ZDHHC1: variants seen among roughly 807,000 people sequenced by gnomAD.
The protein encoded by ZDHHC1 is zDHHC palmitoyltransferase 1.
In ZDHHC1, 45 loss-of-function variants were observed where a neutral mutation model predicts 46.9. That is an observed-to-expected ratio of 0.96 (90% confidence interval 0.76 to 1.23). The LOEUF (loss-of-function observed/expected upper bound fraction) is 1.23, where lower values mean the gene tolerates loss of function less well. Among genes scored for constraint, ZDHHC1 ranks in the 50% most tolerant of loss-of-function variants. The pLI is 0.00. For synonymous variants in ZDHHC1, 291 were observed against 286.0 expected (o/e 1.02, Z -0.18); for missense variants, 649 against 670.8 (o/e 0.97, Z 0.36).
intron 8 of ZDHHC1, chr16:67,396,374 G>A (rs2040432027): frequency 6.6e-6 from 1 of 152,318 alleles, no homozygotes; most frequent in South Asian, 2.1e-4. Flanking sequence ...CGGGTCCCGG[G>A]CGGGGTGGGA....
intron 5 of ZDHHC1, 133 bp downstream of exon 5, chr16:67,399,221 AC>A: frequency 1.2e-6 from 1 of 858,776 alleles, no homozygotes; most frequent in Non-Finnish European, 1.8e-6. Flanking sequence ...TCTGGGCAGC[AC>A]CCCCGCATAA....
rs1344556208 is a variant in ZDHHC1, at chr16:67,398,924, G to A, written c.551C>T (p.Ala184Val). Residue 184 changes from alanine to valine, a missense_variant, in exon 6 of 12, where the codon GCA becomes GTA. Ala to Val is a moderately conservative substitution (Grantham distance 64). Coordinates refer to ENST00000565726, the MANE Select transcript of ZDHHC1 (RefSeq NM_001323627.2). ...RNYRLFLHSVASALLGVLLLV... is the reference protein window; with the variant it reads ...RNYRLFLHSVVSALLGVLLLV... The stretch of plus-strand genomic sequence containing the variant: ...GAGCAGGACGCCCAGTAAAGCGGAT[G>A]CAACACTGTGTAGAAAGAGCCTGGG... 3.7e-6 allele frequency: 6 copies of A among 1,613,226 alleles called. No individual in the cohort carries two copies. The Admixed American group carries it at 8.4e-5, about 22-fold the overall frequency.
rs2040550997 is a variant in ZDHHC1, at chr16:67,401,388, T to C, written c.253-256A>G. ...GCCAGCAGTGCCTGCTGTCGCCACC[T>C]AGGTGCCCAATCGCAGGGTCCTGGC... On this transcript the variant is annotated intron_variant, in intron 3 of 11. Transcript: ENST00000565726. The surrounding 1 kb of genome is among the most constrained non-coding windows in gnomAD (Gnocchi z 4.6). 6.6e-6 allele frequency among the ~76,000 whole-genome samples: 1 copy of C among 152,240 alleles called. No homozygotes were observed. The highest frequency in any genetic ancestry group is 2.4e-5 in the African/African-American group (1 of 41,454).
rs1226975871 is a variant in ZDHHC1, at chr16:67,394,767, A to C, written c.1292T>G (p.Val431Gly). The C allele has an allele frequency of 6.5e-7, 1 of 1,528,038 alleles. No individual in the cohort carries two copies. The highest frequency in any genetic ancestry group is 8.7e-7 in the Non-Finnish European group (1 of 1,143,616). The allele number at this position is 1,528,038 out of a possible 1,614,324, so 94.7% of individuals were successfully genotyped here. The change falls in exon 12 of 12, where the codon GTG (valine) becomes GGG (glycine). Residue 431 changes from valine to glycine, a missense_variant. Transcript: ENST00000565726. Reference sequence around the variant, plus strand: ...GGCGCTGCCCAGGCGCGTCTGCGCCACTGGAATCTCGTCCACGGACTCTGC... The same window carrying C: ...GGCGCTGCCCAGGCGCGTCTGCGCCCCTGGAATCTCGTCCACGGACTCTGC... ...ASAESVDEIP[V>G]AQTRLGSAAL...
chr16:67,400,270 C>G (rs1040679312), intron 4 of ZDHHC1, among the ~76,000 whole-genome samples: 4 of 152,220 alleles, frequency 2.6e-5, no homozygotes, highest in African/African-American at 9.6e-5. Flanking sequence ...GGGCCATATC[C>G]CCATCCCTGA....
At chr16:67,405,617 G>T (rs573971707) in intron 3 of ZDHHC1, among the ~76,000 whole-genome samples, 1 of 152,294 alleles carries the variant, frequency 6.6e-6, no homozygotes, top group Admixed American at 6.5e-5. Context: ...GCGAGTCTCG[G>T]TTTGTCACTA....
chr16:67,398,132 C>T (rs2040467777), intron 8 of ZDHHC1, 80 bp downstream of exon 8: 1 of 1,425,316 alleles, frequency 7.0e-7, no homozygotes, highest in Admixed American at 1.7e-5. Flanking sequence ...CCTCCCTTGC[C>T]CTGTCTCCTC....
intron 4 of ZDHHC1, 60 bp from the exon 5 acceptor site, chr16:67,399,516 C>G: frequency 6.8e-7 from 1 of 1,470,246 alleles, no homozygotes; most frequent in Non-Finnish European, 9.4e-7. Flanking sequence ...GCGGCCCGGC[C>G]GGTCGGGGTG....
chr16:67,412,428 T>C lies in ZDHHC1; in HGVS notation c.-39+3743A>G, dbSNP rs78648838. On this transcript the variant is annotated intron_variant, in intron 1 of 11. Coordinates refer to ENST00000565726, the MANE Select transcript of ZDHHC1 (RefSeq NM_001323627.2). ...CTGCCTTGTGGATGAAACACACTCG[T>C]GTGATCTAGAGCCCTGTTATCATGC... Among the ~76,000 whole-genome samples, 366 of 152,234 alleles carry C rather than the reference T, an allele frequency of 2.4e-3. 1 individual carries two copies. The highest frequency in any genetic ancestry group is 8.5e-3 in the African/African-American group (352 of 41,486).
chr16:67,398,545 C>G (rs376962852), intron 7 of ZDHHC1, 28 bp downstream of exon 7: 1 of 1,575,870 alleles, frequency 6.3e-7, no homozygotes, highest in African/African-American at 1.3e-5. Flanking sequence ...CCCCTGCGTT[C>G]CAGAAGGCAG....
At chr16:67,409,479 G>A (rs1451986617) in intron 1 of ZDHHC1, among the ~76,000 whole-genome samples, 1 of 152,214 alleles carries the variant, frequency 6.6e-6, no homozygotes, top group Non-Finnish European at 1.5e-5. Context: ...CAGCATTCTG[G>A]TATAGACGCC....
intron 1 of ZDHHC1, 131 bp from the exon 2 acceptor site, chr16:67,407,944 C>T: frequency 1.6e-6 from 1 of 618,236 alleles, no homozygotes; most frequent in Non-Finnish European, 3.0e-6. Context: ...TGAACCCATG[C>T]CTCCCGCAGC....
rs1217334721 is a variant in ZDHHC1 at position 67,395,338 on chromosome 16, G to T, written c.1011-58C>A. 4 of 1,495,472 alleles carry T rather than the reference G, an allele frequency of 2.7e-6. No individual in the cohort carries two copies. In the African/African-American group the frequency reaches 4.2e-5, roughly 16 times the overall value. The allele number at this position is 1,495,472 out of a possible 1,614,324, so 92.6% of individuals were successfully genotyped here. On this transcript the variant is annotated intron_variant, in intron 9 of 11. Coordinates refer to ENST00000565726, the MANE Select transcript of ZDHHC1 (RefSeq NM_001323627.2). ...CTGTTCCCCAAATCCCTCCCCACTG[G>T]AGGTGCTGAGAGAAGCTTCCCTTCC...
chr16:67,399,486 G>C (rs746157935), intron 4 of ZDHHC1, 30 bp from the exon 5 acceptor site: 32 of 1,577,436 alleles, frequency 2.0e-5, no homozygotes, highest in Non-Finnish European at 2.8e-5. Flanking sequence ...AGCGCGATTG[G>C]CCGGCTCATT....
chr16:67,397,359 G>A (rs2040452884), intron 8 of ZDHHC1, among the ~76,000 whole-genome samples: 4 of 152,188 alleles, frequency 2.6e-5, no homozygotes, highest in African/African-American at 9.7e-5. Flanking sequence ...CCAGCACTGG[G>A]GCAGGTATAC....
At chr16:67,403,679 G>C (rs1017778333) in intron 3 of ZDHHC1, among the ~76,000 whole-genome samples, 1 of 151,542 alleles carries the variant, frequency 6.6e-6, no homozygotes, top group East Asian at 1.9e-4. Context: ...GCGCTATCTC[G>C]GCTCACTGCA....
chr16:67,415,639 C>T (rs2040822088), intron 1 of ZDHHC1, among the ~76,000 whole-genome samples: 2 of 152,014 alleles, frequency 1.3e-5, no homozygotes, highest in African/African-American at 4.8e-5. Flanking sequence ...CGCCTGTAAT[C>T]CCAGCTACTC....
At chr16:67,395,686 C>T (rs1177956317) in intron 8 of ZDHHC1, 120 bp from the exon 9 acceptor site, 1 of 981,394 alleles carries the variant, frequency 1.0e-6, no homozygotes, top group Non-Finnish European at 1.5e-6. Flanking sequence ...GGCCTCATGC[C>T]AGGCTCCCAG....
In ZDHHC1 at chr16:67,394,481, C is replaced by T; in HGVS notation, c.*129G>A. 1 of 775,998 alleles carries T rather than the reference C, an allele frequency of 1.3e-6. No homozygotes were observed. Among genetic ancestry groups the T allele is most frequent in the Non-Finnish European group, 1.6e-6 (1 of 606,794 alleles). The allele number at this position is 775,998 out of a possible 1,614,324, so 48.1% of individuals were successfully genotyped here. ...GCCGGTGGGGCGGGTATTGCTGAGT[C>T]GTGGGGGAGGGAGGCCGATCCCGCC... On this transcript the variant is annotated 3_prime_UTR_variant, in exon 12 of 12. Coordinates refer to ENST00000565726, the MANE Select transcript of ZDHHC1 (RefSeq NM_001323627.2).
Sources: allele counts gnomAD v4.1 joint callset (sites outside exome capture counted in the v4.1 genomes callset), GRCh38; gene constraint gnomAD v4.1.1; non-coding constraint Gnocchi (gnomAD v3.1); transcripts MANE v1.5; gene names NCBI Gene and HGNC (gene_info 2026-07-23, HGNC 2026-07-21).